The following LGSN variants were observed in gnomAD, a reference collection of about 807,000 sequenced individuals.
LGSN encodes lengsin.
Under a neutral mutation model 19.5 loss-of-function variants are expected in LGSN, and 21 were observed. The ratio of observed to expected loss-of-function variants is 1.07; its 90% CI spans 0.76 to 1.55. The LOEUF is 1.55. LGSN is among the 40% of genes most tolerant of loss of function. LGSN has a pLI of 0.00. For missense variants in LGSN, 673 were observed against 608.5 expected, an observed-to-expected ratio of 1.11 and a Z score of -1.12; for synonymous variants, 257 against 215.6, an observed-to-expected ratio of 1.19 and a Z score of -1.68.
the LGSN span, among the ~76,000 whole-genome samples, chr6:63,332,410 G>C: frequency 6.6e-6 from 1 of 152,136 alleles, no homozygotes; most frequent in African/African-American, 2.4e-5. Flanking sequence ...TCACTTGGGC[G>C]ACATGCCTTT....
At chr6:63,546,849 C>CA in the LGSN span, among the ~76,000 whole-genome samples, 2 of 151,934 alleles carry the variant, frequency 1.3e-5, no homozygotes, top group Non-Finnish European at 2.9e-5. Flanking sequence ...TTTCTCATCT[C>CA]AAAAAAATAT....
chr6:63,531,066 T>C, the LGSN span, among the ~76,000 whole-genome samples: 1 of 152,342 alleles, frequency 6.6e-6, no homozygotes, highest in Non-Finnish European at 1.5e-5. Context: ...ACTAGAGAAC[T>C]TCTATATTGT....
chr6:63,451,443 G>A, the LGSN span, among the ~76,000 whole-genome samples: 1 of 152,160 alleles, frequency 6.6e-6, no homozygotes, highest in Admixed American at 6.6e-5. Context: ...CTTTGCAGGG[G>A]CATGGGTGGA....
At chr6:63,482,267 T>A in the LGSN span, among the ~76,000 whole-genome samples, 1 of 152,164 alleles carries the variant, frequency 6.6e-6, no homozygotes, top group East Asian at 1.9e-4. Flanking sequence ...TCCCAACACC[T>A]AGATCATAGA....
At chr6:63,318,524 C>T (rs1768954936) in intron 1 of LGSN, among the ~76,000 whole-genome samples, 1 of 152,150 alleles carries the variant, frequency 6.6e-6, no homozygotes, top group Non-Finnish European at 1.5e-5. Flanking sequence ...CCAAGATTCA[C>T]CTTTATTACA....
At chr6:63,530,058 G>A in the LGSN span, among the ~76,000 whole-genome samples, 9 of 151,898 alleles carry the variant, frequency 5.9e-5, no homozygotes, top group South Asian at 2.1e-4. Flanking sequence ...ACTGTTTCTC[G>A]AGATAGGGCA....
At chr6:63,483,135 A>C in the LGSN span, among the ~76,000 whole-genome samples, 1 of 152,228 alleles carries the variant, frequency 6.6e-6, no homozygotes, top group Admixed American at 6.5e-5. Context: ...CAGAATAGGC[A>C]ATTAAAAGTA....
In LGSN at chr6:63,276,549, T is replaced by C. The variant is rs1211263801; in HGVS notation, c.*3472A>G. ...TAGTAAATGAAAATAAGAAAGCAAT[T>C]TTTGTAAAGCTATTTATAAGGCACC... On this transcript the variant is annotated 3_prime_UTR_variant, in exon 4 of 4. Transcript: ENST00000370657. 1 of 152,212 alleles carries C rather than the reference T, an allele frequency of 6.6e-6. No homozygotes were observed. Among genetic ancestry groups the C allele is most frequent in the Non-Finnish European group, 1.5e-5 (1 of 68,034 alleles). The allele number at this position is 152,212 out of a possible 1,614,324, so 9.4% of individuals were successfully genotyped here. A position where few individuals can be genotyped will look rare whatever the true frequency, so the allele number is the denominator to read the frequency against.
At chr6:63,454,793 C>CTTTTTTTTTTTT in the LGSN span, among the ~76,000 whole-genome samples, 2 of 91,740 alleles carry the variant, frequency 2.2e-5, no homozygotes, top group Non-Finnish European at 2.0e-5. Flanking sequence ...TTTTCTTTTT[C>CTTTTTTTTTTTT]TTTTTTTTTT....
chr6:63,516,047 T>G, the LGSN span, among the ~76,000 whole-genome samples: 2 of 152,230 alleles, frequency 1.3e-5, no homozygotes, highest in Non-Finnish European at 2.9e-5. Context: ...TTTATTTTTA[T>G]TTATTCTTAT....
At chr6:63,294,595 A>C (rs1767903833) in intron 2 of LGSN, among the ~76,000 whole-genome samples, 1 of 151,768 alleles carries the variant, frequency 6.6e-6, no homozygotes, top group South Asian at 2.1e-4. Context: ...ATCCTCTGTA[A>C]TGATTTTTGT....
chr6:63,388,415 A>G, the LGSN span, among the ~76,000 whole-genome samples: 15 of 152,098 alleles, frequency 9.9e-5, no homozygotes, highest in African/African-American at 3.6e-4. Flanking sequence ...GAGTGTGACC[A>G]TATTTAGAGA....
the LGSN span, chr6:63,571,480 A>C: frequency 1.3e-5 from 2 of 152,254 alleles, no homozygotes; most frequent in Non-Finnish European, 1.5e-5. Flanking sequence ...AATTGCGATA[A>C]GACTTTACTT....
the LGSN span, among the ~76,000 whole-genome samples, chr6:63,327,396 G>T: frequency 6.6e-6 from 1 of 152,318 alleles, no homozygotes. Flanking sequence ...AATTTGAAAG[G>T]TGTTGTCTGA....
chr6:63,406,335 C>T, the LGSN span, among the ~76,000 whole-genome samples: 158 of 152,186 alleles, frequency 1.0e-3, no homozygotes, highest in Non-Finnish European at 1.7e-3. Context: ...GTCTCTCAGA[C>T]CACAGTGCAA....
chr6:63,439,651 T>C, the LGSN span, among the ~76,000 whole-genome samples: 2 of 152,232 alleles, frequency 1.3e-5, no homozygotes, highest in Admixed American at 6.5e-5. Flanking sequence ...CAACCACTCT[T>C]GTCCTCCACC....
Position 63,285,700 on chromosome 6 carries a change from T to C in LGSN, c.217A>G (p.Met73Val), listed in dbSNP as rs575279310. Residue 73 changes from methionine (M) to valine (V), a missense_variant, in exon 3 of 4, where the codon ATG becomes GTG. Coordinates refer to ENST00000370657, the MANE Select transcript of LGSN (RefSeq NM_016571.3). ...GCCATGGCTTGTCTAATGTGTTTCA[T>C]TCTAGAAGAGAGTTGAGGTGGGGTC... ...ILTPPQLSSR[M>V]KHIRQAMAKN... 6 of 1,614,098 alleles carry C rather than the reference T, an allele frequency of 3.7e-6. No individual in the cohort carries two copies. Among genetic ancestry groups the C allele is most frequent in the African/African-American group, 2.7e-5 (2 of 75,024 alleles).
the LGSN span, among the ~76,000 whole-genome samples, chr6:63,550,075 T>C: frequency 9.2e-5 from 14 of 152,194 alleles, no homozygotes; most frequent in African/African-American, 3.4e-4. Flanking sequence ...CCATAATATG[T>C]GCAATTATTA....
chr6:63,327,108 G>A, the LGSN span, among the ~76,000 whole-genome samples: 5,051 of 152,276 alleles, frequency 0.033, 288 homozygotes, highest in African/African-American at 0.12. Flanking sequence ...GGTGAAGAAG[G>A]GGCCCTGCAG....
Sources: allele counts gnomAD v4.1 joint callset (sites outside exome capture counted in the v4.1 genomes callset), GRCh38; gene constraint gnomAD v4.1.1; transcripts MANE v1.5; gene names NCBI Gene and HGNC (gene_info 2026-07-23, HGNC 2026-07-21).